FARP1: variants seen among roughly 807,000 people sequenced by gnomAD.
FARP1 encodes FERM, ARH/RhoGEF and pleckstrin domain protein 1, also known as FERM, ARHGEF and pleckstrin domain-containing protein 1.
Under a neutral mutation model 128.8 loss-of-function variants are expected in FARP1, and 52 were observed. That is an observed-to-expected ratio of 0.40 (90% CI 0.32 to 0.51). The LOEUF is 0.51. Among genes scored for constraint, FARP1 ranks in the 20% least tolerant of loss-of-function variants. The pLI is 0.45. For missense variants in FARP1, 1,333 were observed against 1,367.9 expected (o/e 0.97, Z 0.40); for synonymous variants, 580 against 551.8 (o/e 1.05, Z -0.72).
At chr13:98,413,991 C>T (rs1167683244) in intron 16 of FARP1, among the ~76,000 whole-genome samples, 2 of 152,104 alleles carry the variant, frequency 1.3e-5, no homozygotes, top group Non-Finnish European at 1.5e-5. Flanking sequence ...TTTGCAGTAC[C>T]CTGAAAGCCC....
At chr13:98,225,493 C>T (rs1019973709) in intron 2 of FARP1, among the ~76,000 whole-genome samples, 6 of 152,206 alleles carry the variant, frequency 3.9e-5, no homozygotes, top group African/African-American at 1.4e-4. Context: ...GTGGACTCTG[C>T]ACTCCCTCAT....
chr13:98,389,804 G>T (rs1193063127), intron 9 of FARP1, 153 bp from the exon 10 acceptor site: 5 of 660,556 alleles, frequency 7.6e-6, no homozygotes, highest in South Asian at 2.1e-5. Context: ...AGAATAACTA[G>T]AGTTTAGTAA....
At chr13:98,268,246 G>C (rs1017836569) in intron 2 of FARP1, among the ~76,000 whole-genome samples, 1 of 152,212 alleles carries the variant, frequency 6.6e-6, no homozygotes, top group Non-Finnish European at 1.5e-5. Context: ...TTGTGCCACA[G>C]CAGCAGAGTC....
chr13:98,252,830 C>T (rs1404573097), intron 2 of FARP1, among the ~76,000 whole-genome samples: 1 of 152,196 alleles, frequency 6.6e-6, no homozygotes, highest in Non-Finnish European at 1.5e-5. Flanking sequence ...ACCCAGTGAG[C>T]CCCGGTGATC....
At chr13:98,318,645 C>T (rs1441218725) in intron 2 of FARP1, among the ~76,000 whole-genome samples, 35 of 152,184 alleles carry the variant, frequency 2.3e-4, no homozygotes, top group Admixed American at 8.5e-4. Flanking sequence ...CGCACTTTCT[C>T]CATTTGACCT....
intron 1 of FARP1, among the ~76,000 whole-genome samples, chr13:98,158,791 C>T (rs78041023): frequency 0.011 from 1,622 of 152,238 alleles, 29 homozygotes; most frequent in African/African-American, 0.036. Context: ...TGGCGTGCTT[C>T]ACTGTTAGGA....
chr13:98,160,447 T>G (rs1483474477), intron 1 of FARP1, among the ~76,000 whole-genome samples: 1 of 152,184 alleles, frequency 6.6e-6, no homozygotes, highest in African/African-American at 2.4e-5. Context: ...TGTGTTTCAC[T>G]GAGGCTTTAA....
At chr13:98,255,078 A>C (rs182230650) in intron 2 of FARP1, among the ~76,000 whole-genome samples, 13 of 152,322 alleles carry the variant, frequency 8.5e-5, no homozygotes, top group Middle Eastern at 3.4e-3. Context: ...TTTTGGGTAA[A>C]ACAACAGTAG....
At chr13:98,157,840 T>C (rs1173982221) in intron 1 of FARP1, among the ~76,000 whole-genome samples, 1 of 152,224 alleles carries the variant, frequency 6.6e-6, no homozygotes, top group East Asian at 1.9e-4. Context: ...TCAATAAATA[T>C]TTAAGATGAA....
intron 2 of FARP1, among the ~76,000 whole-genome samples, chr13:98,231,429 C>CTTA (rs1436769219): frequency 5.3e-4 from 80 of 151,944 alleles, no homozygotes; most frequent in African/African-American, 1.8e-3. Context: ...TTTTCTATTT[C>CTTA]TTATTTTATT....
chr13:98,173,049 G>T, intron 1 of FARP1, among the ~76,000 whole-genome samples: 1 of 152,166 alleles, frequency 6.6e-6, no homozygotes, highest in East Asian at 1.9e-4. Context: ...TAGTAGTTAA[G>T]GATATCTATC....
In FARP1 at chr13:98,384,766, A is replaced by G; in HGVS notation, c.533A>G (p.Glu178Gly). ...IGDFDEALDR[E>G]HLAKNKYIPQ... The stretch of plus-strand genomic sequence containing the variant: ...GATTTTGATGAAGCCTTGGACAGAG[A>G]GCACTTAGCAAAAAATAAATACATA... The change falls in exon 7 of 27, where the codon GAG becomes GGG. Residue 178 changes from glutamate to glycine, a missense_variant. Physicochemically the swap from Glu to Gly is moderately conservative, Grantham distance 98. Around this residue, in one of 2 missense-constraint regions of FARP1, gnomAD observed 324 missense variants for 398.1 expected, o/e 0.81. Coordinates refer to ENST00000319562, the MANE Select transcript of FARP1 (RefSeq NM_005766.4). 2 of 1,613,676 alleles carry G rather than the reference A, an allele frequency of 1.2e-6. No homozygotes were observed. The highest frequency in any genetic ancestry group is 1.7e-6 in the Non-Finnish European group (2 of 1,179,652).
intron 2 of FARP1, among the ~76,000 whole-genome samples, chr13:98,260,806 C>T (rs1473977890): frequency 6.6e-6 from 1 of 152,184 alleles, no homozygotes; most frequent in Admixed American, 6.5e-5. Flanking sequence ...ATCTGCTTCT[C>T]GTCAGGTTTT....
intron 11 of FARP1, among the ~76,000 whole-genome samples, chr13:98,391,693 G>T (rs1276708398): frequency 6.6e-6 from 1 of 152,198 alleles, no homozygotes; most frequent in Non-Finnish European, 1.5e-5. Context: ...CCTCAGCTCT[G>T]TGAGGTCAGT....
At chr13:98,221,886 G>A (rs1478896167) in intron 2 of FARP1, among the ~76,000 whole-genome samples, 1 of 152,190 alleles carries the variant, frequency 6.6e-6, no homozygotes. Flanking sequence ...TCTTGTGTTA[G>A]AATGTAAATA....
chr13:98,185,240 T>C (rs1231393991), intron 1 of FARP1, among the ~76,000 whole-genome samples: 1 of 152,220 alleles, frequency 6.6e-6, no homozygotes, highest in African/African-American at 2.4e-5. Flanking sequence ...AACTGGCTGG[T>C]AAAAATTCCT....
At chr13:98,203,404 C>T (rs573797961) in intron 1 of FARP1, among the ~76,000 whole-genome samples, 15 of 152,296 alleles carry the variant, frequency 9.8e-5, no homozygotes, top group South Asian at 4.1e-4. Flanking sequence ...TGCTGTTGAT[C>T]GAGCTCCGAA....
At position 98,289,586 on chromosome 13, in the gene FARP1, G is replaced by C. The variant is rs947993515; in HGVS notation, c.172-54176G>C. ...CGTCTAGATCTCATGCAAGGCATCCGGGCCAGCCATGAAGGAGGATGAGGT... is the reference window on the plus strand; with the variant it reads ...CGTCTAGATCTCATGCAAGGCATCCCGGCCAGCCATGAAGGAGGATGAGGT... On this transcript the variant is annotated intron_variant, in intron 2 of 26. Coordinates refer to ENST00000319562, the MANE Select transcript of FARP1 (RefSeq NM_005766.4). 4.6e-5 allele frequency among the ~76,000 whole-genome samples: 7 copies of C among 152,270 alleles called. 1 individual carries two copies. The highest frequency in any genetic ancestry group is 2.1e-4 in the South Asian group (1 of 4,820).
intron 4 of FARP1, among the ~76,000 whole-genome samples, chr13:98,367,485 CTTTCT>C (rs1889141792): frequency 1.4e-5 from 2 of 145,592 alleles, no homozygotes; most frequent in African/African-American, 5.6e-5. Context: ...GTCCTGTTTT[CTTTCT>C]TTTTTTTTTT....
Sources: allele counts gnomAD v4.1 joint callset (sites outside exome capture counted in the v4.1 genomes callset), GRCh38; gene constraint gnomAD v4.1.1; regional missense constraint gnomAD v4.1.1; transcripts MANE v1.5; gene names NCBI Gene and HGNC (gene_info 2026-07-23, HGNC 2026-07-21).